The following NUP98 variants were observed in gnomAD, a reference collection of about 807,000 sequenced individuals.
NUP98 encodes the protein nuclear pore complex protein Nup98-Nup96.
A neutral mutation model predicts 191.9 loss-of-function variants in NUP98; 26 were observed. The ratio of observed to expected loss-of-function variants is 0.14; its 90% CI spans 0.10 to 0.19. NUP98 has a LOEUF of 0.19. NUP98 is among the 10% of genes least tolerant of loss of function. NUP98 has a pLI of 1.00. For missense variants in NUP98, 1,941 were observed against 2,178.8 expected, an observed-to-expected ratio of 0.89 and a Z score of 2.17; for synonymous variants, 808 against 778.4, an observed-to-expected ratio of 1.04 and a Z score of -0.63.
intron 12 of NUP98, among the ~76,000 whole-genome samples, chr11:3,739,259 T>G (rs1474917490): frequency 6.6e-6 from 1 of 151,734 alleles, no homozygotes; most frequent in Non-Finnish European, 1.5e-5. Context: ...TTAAAACAAT[T>G]TTTTTTTTGA....
At position 3,791,619 on chromosome 11, in the gene NUP98, C is replaced by G. The variant is rs1213337202; in HGVS notation, c.-29+5781G>C. Among the ~76,000 whole-genome samples, 10 of 148,048 alleles carry G rather than the reference C, an allele frequency of 6.8e-5. No homozygotes were observed. In the East Asian group the frequency reaches 1.8e-3, roughly 27 times the overall value. ...CAGCATTTCGGGAGACCGAGGCAGA[C>G]AGATCACGAGGTCAGGAGTTGAAGA... On this transcript the variant is annotated intron_variant, in intron 1 of 32. Coordinates refer to ENST00000324932, the MANE Select transcript of NUP98 (RefSeq NM_016320.5).
At chr11:3,735,531 G>T (rs186507546) in intron 12 of NUP98, among the ~76,000 whole-genome samples, 1 of 151,978 alleles carries the variant, frequency 6.6e-6, no homozygotes, top group Admixed American at 6.6e-5. Context: ...AATTTAGGAA[G>T]AGACATTTCA....
intron 22 of NUP98, among the ~76,000 whole-genome samples, chr11:3,704,876 G>A (rs1016815146): frequency 1.3e-5 from 2 of 152,176 alleles, no homozygotes; most frequent in Admixed American, 1.3e-4. Flanking sequence ...TGAGTAGTGG[G>A]TATATGCCCA....
At chr11:3,680,730 T>G (rs1201644761) in intron 30 of NUP98, among the ~76,000 whole-genome samples, 2 of 152,174 alleles carry the variant, frequency 1.3e-5, no homozygotes, top group South Asian at 2.1e-4. Context: ...GTACTTTTGG[T>G]ACAGATGGGG....
intron 18 of NUP98, among the ~76,000 whole-genome samples, chr11:3,718,281 A>C (rs1256307817): frequency 6.6e-6 from 1 of 152,146 alleles, no homozygotes; most frequent in African/African-American, 2.4e-5. Context: ...CATGCTTGTA[A>C]TCCCAGCACT....
chr11:3,760,586 C>T lies in NUP98; in HGVS notation c.1127G>A (p.Ser376Asn), dbSNP rs934032608. The T allele has an allele frequency of 2.5e-6, 4 of 1,613,836 alleles. No individual in the cohort carries two copies. In the African/African-American group the frequency reaches 5.3e-5, roughly 22 times the overall value. ...GNNKLTTFGSSTTSAPSFGTT... is the reference protein window; with the variant it reads ...GNNKLTTFGSNTTSAPSFGTT... ...ACCAAATGAAGGTGCACTGGTTGTG[C>T]TGCTTCCAAATGTAGTAAGCTTGTT... is the stretch of plus-strand genomic sequence containing the variant. The change falls in exon 10 of 33, where the codon AGC becomes AAC. Residue 376 changes from serine to asparagine, a missense_variant. Physicochemically the swap from Ser to Asn is conservative, Grantham distance 46. Transcript: ENST00000324932.
chr11:3,712,307 A>G, intron 20 of NUP98: 4 of 1,252,272 alleles, frequency 3.2e-6, no homozygotes, highest in Non-Finnish European at 4.0e-6. Flanking sequence ...TCCAAATGAG[A>G]GAGAACAAAG....
intron 13 of NUP98, among the ~76,000 whole-genome samples, chr11:3,733,475 C>A (rs1176897087): frequency 6.6e-6 from 1 of 152,022 alleles, no homozygotes. Flanking sequence ...CCATGCCTGG[C>A]TAATTTTTTT....
chr11:3,752,373 C>A (rs1460610695), intron 11 of NUP98, among the ~76,000 whole-genome samples: 1 of 151,514 alleles, frequency 6.6e-6, no homozygotes, highest in Non-Finnish European at 1.5e-5. Context: ...AATAATTAGC[C>A]AAGGATGGTG....
chr11:3,764,752 G>A (rs2081282361), intron 8 of NUP98, among the ~76,000 whole-genome samples: 1 of 152,174 alleles, frequency 6.6e-6, no homozygotes, highest in African/African-American at 2.4e-5. Context: ...CTAATTTTTT[G>A]TATTTTTAGT....
chr11:3,743,054 T>C (rs147026423), intron 12 of NUP98, among the ~76,000 whole-genome samples: 3 of 152,156 alleles, frequency 2.0e-5, no homozygotes, highest in Non-Finnish European at 4.4e-5. Flanking sequence ...ACTCCCACTC[T>C]GTCACCCAGG....
intron 10 of NUP98, chr11:3,760,309 C>A: frequency 1.8e-6 from 1 of 551,436 alleles, no homozygotes; most frequent in Non-Finnish European, 3.2e-6. Context: ...AGGCAATTTA[C>A]ATGCCTACTA....
At chr11:3,766,064 T>C (rs867536830) in intron 8 of NUP98, among the ~76,000 whole-genome samples, 15 of 152,262 alleles carry the variant, frequency 9.9e-5, no homozygotes, top group Admixed American at 2.6e-4. Context: ...TACTATTGCT[T>C]TATAGTAAGT....
At chr11:3,725,785 G>A (rs1328542540) in intron 14 of NUP98, among the ~76,000 whole-genome samples, 1 of 152,080 alleles carries the variant, frequency 6.6e-6, no homozygotes, top group Non-Finnish European at 1.5e-5. Flanking sequence ...GCAAATGATC[G>A]ATCACAAATA....
At chr11:3,776,127 T>TC (rs569978930) in intron 4 of NUP98, 106 bp from the exon 5 acceptor site, 2 of 818,410 alleles carry the variant, frequency 2.4e-6, no homozygotes, top group Admixed American at 5.0e-5. Context: ...CTTCATTTTT[T>TC]TTTTTTTTTT....
intron 31 of NUP98, 88 bp downstream of exon 31, chr11:3,679,466 A>T (rs1275941918): frequency 7.0e-7 from 1 of 1,427,850 alleles, no homozygotes; most frequent in Non-Finnish European, 9.8e-7. Context: ...GTGCATTCTC[A>T]AGTGTATACT....
At chr11:3,684,173 T>C (rs926893052) in intron 29 of NUP98, among the ~76,000 whole-genome samples, 4 of 152,162 alleles carry the variant, frequency 2.6e-5, no homozygotes, top group Non-Finnish European at 5.9e-5. Flanking sequence ...GATCACGCCA[T>C]TGCACTCCAG....
chr11:3,791,583 G>A (rs1230678875), intron 1 of NUP98, among the ~76,000 whole-genome samples: 1 of 145,206 alleles, frequency 6.9e-6, no homozygotes, highest in African/African-American at 2.6e-5. Flanking sequence ...GGTGGCTCAT[G>A]CCTATAATCC....
rs1564860800 is a variant in NUP98 at position 3,735,339 on chromosome 11, A to G, written c.1409-15T>C. ...ATCTGTCAAAGCTTTTAAAAAAAAAAAAAGAAAACAAAATATATATATATA... is the reference window on the plus strand; with the variant it reads ...ATCTGTCAAAGCTTTTAAAAAAAAAGAAAGAAAACAAAATATATATATATA... On this transcript the variant is annotated splice_polypyrimidine_tract_variant and intron_variant, in intron 12 of 32. Coordinates refer to ENST00000324932, the MANE Select transcript of NUP98 (RefSeq NM_016320.5). The G allele has an allele frequency of 2.2e-6, 3 of 1,374,604 alleles. No homozygotes were observed. Among genetic ancestry groups the G allele is most frequent in the Non-Finnish European group, 2.9e-6 (3 of 1,051,368 alleles). The allele number at this position is 1,374,604 out of a possible 1,614,324, so 85.2% of individuals were successfully genotyped here.
Sources: allele counts gnomAD v4.1 joint callset (sites outside exome capture counted in the v4.1 genomes callset), GRCh38; gene constraint gnomAD v4.1.1; transcripts MANE v1.5; gene names NCBI Gene and HGNC (gene_info 2026-07-23, HGNC 2026-07-21).